Variants in CREB5 observed in about 807,000 individuals in gnomAD.
CREB5 encodes cyclic AMP-responsive element-binding protein 5.
In CREB5, 19 loss-of-function variants were observed where a neutral mutation model predicts 57.1. That is an observed-to-expected ratio of 0.33 (90% CI 0.23 to 0.49). The LOEUF is 0.49. Among genes scored for constraint, CREB5 ranks in the 20% least tolerant of loss-of-function variants. CREB5 has a pLI of 0.99. For missense variants in CREB5, 579 were observed against 671.6 expected (o/e 0.86, Z 1.52); for synonymous variants, 238 against 238.3 (o/e 1.00, Z 0.01).
chr7:28,536,878 T>C (rs1793984506), intron 4 of CREB5, among the ~76,000 whole-genome samples: 1 of 152,208 alleles, frequency 6.6e-6, no homozygotes, highest in Admixed American at 6.5e-5. Context: ...TTGCCTGAGG[T>C]CATTCTACCA....
At chr7:28,313,821 A>C (rs1041682229) in intron 1 of CREB5, among the ~76,000 whole-genome samples, 2 of 152,220 alleles carry the variant, frequency 1.3e-5, no homozygotes, top group Admixed American at 6.5e-5. Context: ...TGAAGAAATA[A>C]AAATTTAATA....
rs76987946 is a variant in CREB5, at chr7:28,777,710, T to C, written c.703-26489T>C. Among the ~76,000 whole-genome samples the C allele has an allele frequency of 8.5e-5, 13 of 152,340 alleles. No individual in the cohort carries two copies. In the East Asian group the frequency reaches 2.3e-3, roughly 27 times the overall value. ...GAGGCTCTTCTTTACTGCATAAATA[T>C]AAATGTTCACAATATTTCTTTTGAA... On this transcript the variant is annotated intron_variant, in intron 7 of 10. Transcript: ENST00000357727.
chr7:28,675,857 A>G (rs566507660), intron 5 of CREB5, among the ~76,000 whole-genome samples: 3 of 152,154 alleles, frequency 2.0e-5, no homozygotes, highest in Admixed American at 6.5e-5. Flanking sequence ...GGGTTCGCCT[A>G]TAAGAAGTCA....
chr7:28,560,987 T>TGCATGCGCGTGC (rs1212595303), intron 4 of CREB5, among the ~76,000 whole-genome samples: 1 of 64,454 alleles, frequency 1.6e-5, no homozygotes. Flanking sequence ...TGTGCGTGCG[T>TGCATGCGCGTGC]GTGTGTGCCT....
intron 5 of CREB5, among the ~76,000 whole-genome samples, chr7:28,599,197 A>G (rs1178127572): frequency 6.6e-6 from 1 of 152,070 alleles, no homozygotes; most frequent in Non-Finnish European, 1.5e-5. Flanking sequence ...CTCAAAGTTT[A>G]AGTTGATTTG....
intron 1 of CREB5, among the ~76,000 whole-genome samples, chr7:28,348,638 C>A (rs377763381): frequency 6.6e-6 from 1 of 152,126 alleles, no homozygotes; most frequent in East Asian, 1.9e-4. Flanking sequence ...GCAGCAAAAA[C>A]GGCTTGCCAA....
At chr7:28,743,848 T>TTC (rs1554294504) in intron 7 of CREB5, among the ~76,000 whole-genome samples, 17 of 143,784 alleles carry the variant, frequency 1.2e-4, no homozygotes, top group African/African-American at 4.1e-4. Flanking sequence ...CTTTTTTTTT[T>TTC]TTTTTTTTTT....
chr7:28,365,890 T>G (rs542043587), intron 1 of CREB5, among the ~76,000 whole-genome samples: 159 of 152,330 alleles, frequency 1.0e-3, no homozygotes, highest in Middle Eastern at 3.4e-3. Context: ...CATTACACAT[T>G]TTTAGAATTG....
chr7:28,561,057 A>G (rs985538105), intron 4 of CREB5, among the ~76,000 whole-genome samples: 2 of 146,938 alleles, frequency 1.4e-5, no homozygotes, highest in Admixed American at 6.9e-5. Context: ...GGTATTTTTC[A>G]GATTCATGTG....
At chr7:28,332,469 G>T (rs144350263) in intron 1 of CREB5, among the ~76,000 whole-genome samples, 1 of 152,260 alleles carries the variant, frequency 6.6e-6, no homozygotes, top group African/African-American at 2.4e-5. Flanking sequence ...TAGACGCTCA[G>T]GTTACGTTTG....
chr7:28,527,183 A>C (rs1205962897), intron 4 of CREB5, among the ~76,000 whole-genome samples: 2 of 152,194 alleles, frequency 1.3e-5, no homozygotes, highest in Non-Finnish European at 2.9e-5. Context: ...GTCTATCATA[A>C]CCACCATGAC....
At chr7:28,410,211 C>A, upstream of CREB5, 1 of 452,784 alleles carries the variant, frequency 2.2e-6, no homozygotes, top group South Asian at 1.6e-5. Flanking sequence ...TCGCTCCAGG[C>A]GCTCCGGGCT....
At chr7:28,640,862 G>A (rs1798630603) in intron 5 of CREB5, among the ~76,000 whole-genome samples, 3 of 152,172 alleles carry the variant, frequency 2.0e-5, no homozygotes, top group South Asian at 4.1e-4. Flanking sequence ...GGTCATTGCA[G>A]CAGCATGCCC....
intron 1 of CREB5, among the ~76,000 whole-genome samples, chr7:28,319,432 G>A (rs1174402978): frequency 2.0e-5 from 3 of 152,180 alleles, no homozygotes; most frequent in Non-Finnish European, 4.4e-5. Flanking sequence ...GAGAGCAAAG[G>A]TGTGTCGTCC....
intron 7 of CREB5, among the ~76,000 whole-genome samples, chr7:28,800,937 G>C (rs1808326876): frequency 6.6e-6 from 1 of 152,228 alleles, no homozygotes; most frequent in Non-Finnish European, 1.5e-5. Context: ...TTAGAGAACA[G>C]GCTTTGGAGT....
intron 5 of CREB5, among the ~76,000 whole-genome samples, chr7:28,608,125 A>T (rs201287713): frequency 0.24 from 26,987 of 112,242 alleles, 3,163 homozygotes; most frequent in East Asian, 0.41. Flanking sequence ...ACACACACTC[A>T]CACACACACA....
At chr7:28,686,585 G>A (rs929202467) in intron 5 of CREB5, among the ~76,000 whole-genome samples, 13 of 152,238 alleles carry the variant, frequency 8.5e-5, no homozygotes, top group Non-Finnish European at 7.3e-5. Context: ...CTTTGCTGCG[G>A]TGTCGCTCCT....
At chr7:28,451,291 A>G (rs1789788972) in intron 1 of CREB5, among the ~76,000 whole-genome samples, 1 of 152,188 alleles carries the variant, frequency 6.6e-6, no homozygotes, top group Admixed American at 6.5e-5. Flanking sequence ...CTGGCATCTA[A>G]GATTCCTCAG....
At chr7:28,523,429 G>C (rs146994178) in intron 4 of CREB5, among the ~76,000 whole-genome samples, 1 of 152,242 alleles carries the variant, frequency 6.6e-6, no homozygotes, top group Non-Finnish European at 1.5e-5. Flanking sequence ...GTTGGGTCAG[G>C]AGCCAAGGCT....
Sources: gnomAD v4.1 joint callset for allele counts (sites outside exome capture counted in the v4.1 genomes callset) on GRCh38, gnomAD v4.1.1 for gene constraint, MANE v1.5 for transcripts, NCBI Gene and HGNC (gene_info 2026-07-23, HGNC 2026-07-21) for gene names.